Variants in HSH2D observed in about 807,000 individuals in gnomAD.
HSH2D encodes hematopoietic SH2 domain containing.
In HSH2D, 16 loss-of-function variants were observed where a neutral mutation model predicts 21.5. The observed-to-expected ratio is 0.74, with a 90% confidence interval of 0.50 to 1.13. The LOEUF is 1.13. Ranked by LOEUF, HSH2D falls within the 50% of genes most tolerant of loss-of-function variation. The pLI is 0.00. For missense variants in HSH2D, 418 were observed against 441.4 expected, an observed-to-expected ratio of 0.95 and a Z score of 0.47; for synonymous variants, 172 against 184.7, an observed-to-expected ratio of 0.93 and a Z score of 0.56.
rs377443312 is a variant in HSH2D, at chr19:16,148,790, C to T, written c.40C>T (p.Arg14Trp). 165 of 1,613,650 alleles carry T rather than the reference C, an allele frequency of 1.0e-4. No individual in the cohort carries two copies. The highest frequency in any genetic ancestry group is 1.7e-4 in the Admixed American group (10 of 59,974). ...AGKLPLPLPP[R>W]LDWFVHTQMG... ...GAAGCTGCCCCTACCGCTACCCCCA[C>T]GGCTGGACTGGTTTGTGCACACCCA... The change falls in exon 2 of 6, where the codon CGG becomes TGG. Residue 14 changes from arginine to tryptophan, a missense_variant. Coordinates refer to ENST00000613986, the MANE Select transcript of HSH2D (RefSeq NM_001382417.1).
intron 5 of HSH2D, chr19:16,154,731 A>T: frequency 2.6e-6 from 1 of 379,888 alleles, no homozygotes; most frequent in African/African-American, 2.1e-5. Flanking sequence ...TGTTGTTCAG[A>T]CACACCAAGC....
At chr19:16,152,148 T>C (rs1011291899) in intron 2 of HSH2D, among the ~76,000 whole-genome samples, 3 of 142,056 alleles carry the variant, frequency 2.1e-5, no homozygotes, top group African/African-American at 7.9e-5. Context: ...CCGGGCACGG[T>C]GGCTCACACC....
intron 1 of HSH2D, among the ~76,000 whole-genome samples, chr19:16,146,228 A>G (rs1299038084): frequency 2.0e-5 from 3 of 152,200 alleles, no homozygotes; most frequent in African/African-American, 7.2e-5. Flanking sequence ...ATTGGTACAC[A>G]AAGTCCCATG....
chr19:16,141,545 G>GA (rs67546017), upstream of HSH2D, among the ~76,000 whole-genome samples: 12 of 152,016 alleles, frequency 7.9e-5, no homozygotes, highest in Middle Eastern at 3.4e-3. Context: ...AAAATCAGAA[G>GA]AAAAAAAACT....
intron 1 of HSH2D, among the ~76,000 whole-genome samples, chr19:16,147,504 A>G (rs1451117756): frequency 6.6e-6 from 1 of 151,800 alleles, no homozygotes; most frequent in African/African-American, 2.4e-5. Context: ...AAAAAGAAAA[A>G]AAACACAATG....
upstream of HSH2D, chr19:16,142,093 G>C (rs1200516159): frequency 6.6e-6 from 1 of 151,946 alleles, no homozygotes; most frequent in Admixed American, 6.6e-5. Context: ...CTCTAAAATA[G>C]GTTAGTCAAT....
chr19:16,141,286 G>A (rs2090998118), upstream of HSH2D, among the ~76,000 whole-genome samples: 1 of 152,232 alleles, frequency 6.6e-6, no homozygotes, highest in South Asian at 2.1e-4. Context: ...AGGAGGAGCA[G>A]GGGGGTGAGA....
In HSH2D at chr19:16,153,156, A is replaced by G; in HGVS notation, c.329A>G (p.Gln110Arg). Residue 110 changes from glutamine to arginine, a missense_variant, in exon 4 of 6, where the codon CAG becomes CGG. Coordinates refer to ENST00000613986, the MANE Select transcript of HSH2D (RefSeq NM_001382417.1). ...TSLDALVTFH[Q>R]QKPIEPRREL... is the part of the protein sequence containing the mutation. ...CTGGACGCCCTGGTCACCTTCCACCAGCAGAAGCCAATTGAGCCGCGCAGG... is the reference window on the plus strand; with the variant it reads ...CTGGACGCCCTGGTCACCTTCCACCGGCAGAAGCCAATTGAGCCGCGCAGG... 1 of 1,579,406 alleles carries G rather than the reference A, an allele frequency of 6.3e-7. No homozygotes were observed. The highest frequency in any genetic ancestry group is 8.6e-7 in the Non-Finnish European group (1 of 1,163,852).
intron 5 of HSH2D, among the ~76,000 whole-genome samples, chr19:16,156,082 A>G (rs1325080035): frequency 6.6e-6 from 1 of 152,028 alleles, no homozygotes; most frequent in Non-Finnish European, 1.5e-5. Context: ...TGGTCTGCGT[A>G]GTGGCTCACA....
At chr19:16,156,194 A>G (rs2091234009) in intron 5 of HSH2D, among the ~76,000 whole-genome samples, 1 of 152,066 alleles carries the variant, frequency 6.6e-6, no homozygotes, top group Non-Finnish European at 1.5e-5. Context: ...TCCACAAAAA[A>G]TAAAAAAATT....
At chr19:16,140,095 C>A (rs1568326054), upstream of HSH2D, among the ~76,000 whole-genome samples, 2 of 152,052 alleles carry the variant, frequency 1.3e-5, no homozygotes, top group South Asian at 4.1e-4. Context: ...AAACCCCATG[C>A]AAATAAGAGC....
chr19:16,148,711 C>T lies in HSH2D; in HGVS notation c.-27-13C>T, dbSNP rs750953834. On this transcript the variant is annotated splice_polypyrimidine_tract_variant and intron_variant, in intron 1 of 5. Coordinates refer to ENST00000613986, the MANE Select transcript of HSH2D (RefSeq NM_001382417.1). ...CAAGCTTGATTCTTGTCTTCCCTCC[C>T]TTCTCTACCCAGGTGACCTTCCCTC... 1.9e-6 allele frequency: 3 copies of T among 1,613,286 alleles called. No homozygotes were observed. Among genetic ancestry groups the T allele is most frequent in the Non-Finnish European group, 1.7e-6 (2 of 1,179,468 alleles).
upstream of HSH2D, among the ~76,000 whole-genome samples, chr19:16,141,743 G>A (rs1381823596): frequency 1.3e-5 from 2 of 151,982 alleles, no homozygotes; most frequent in African/African-American, 2.4e-5. Flanking sequence ...GGCCAACATA[G>A]TGAAACCTTG....
intron 4 of HSH2D, 56 bp downstream of exon 4, chr19:16,153,264 G>C (rs2091189100): frequency 1.4e-6 from 2 of 1,434,750 alleles, no homozygotes; most frequent in Non-Finnish European, 1.8e-6. Flanking sequence ...AAGCCCCCCA[G>C]ACCCCTTTGT....
intron 4 of HSH2D, 103 bp downstream of exon 4, chr19:16,153,311 C>T (rs912773916): frequency 5.2e-6 from 6 of 1,156,280 alleles, no homozygotes; most frequent in African/African-American, 3.1e-5. Context: ...GATTCTGTCA[C>T]TCTCATGGTC....
At position 16,152,550 on chromosome 19, in the gene HSH2D, AG is replaced by A; in HGVS notation, c.127del. ...ATTTCCTTTCTGTGTGTGCCCTTCC[AG>A]GGATGCTGAGAACTTGCTGGAGTCA... is the stretch of plus-strand genomic sequence containing the variant. On this transcript the variant is annotated splice_acceptor_variant, in intron 2 of 5. Transcript: ENST00000613986. LOFTEE classifies it high-confidence loss of function. The A allele has an allele frequency of 6.7e-7, 1 of 1,488,642 alleles. No homozygotes were observed. Among genetic ancestry groups the A allele is most frequent in the South Asian group, 1.4e-5 (1 of 69,352 alleles). The allele number at this position is 1,488,642 out of a possible 1,614,324, so 92.2% of individuals were successfully genotyped here.
At chr19:16,138,024 C>T (rs529384760) in intron 1 of HSH2D, among the ~76,000 whole-genome samples, 3 of 152,096 alleles carry the variant, frequency 2.0e-5, no homozygotes, top group Admixed American at 6.5e-5. Context: ...CCCGCCACCA[C>T]GCCTGGCTAA....
intron 1 of HSH2D, among the ~76,000 whole-genome samples, chr19:16,146,057 C>T (rs932069946): frequency 1.5e-5 from 2 of 134,184 alleles, no homozygotes; most frequent in Admixed American, 1.7e-4. Flanking sequence ...GCCTGGGCAA[C>T]AGAGCGAGAT....
At chr19:16,152,988 T>A (rs746045408) in intron 3 of HSH2D, 55 bp from the exon 4 acceptor site, 32 of 1,573,376 alleles carry the variant, frequency 2.0e-5, no homozygotes, top group Non-Finnish European at 2.7e-5. Context: ...GGCTGGGGAC[T>A]TGGGGCAGGG....
Sources: gnomAD v4.1 joint callset for allele counts (sites outside exome capture counted in the v4.1 genomes callset) on GRCh38, gnomAD v4.1.1 for gene constraint, MANE v1.5 for transcripts, NCBI Gene and HGNC (gene_info 2026-07-23, HGNC 2026-07-21) for gene names.